The following ZNG1A variants were observed in gnomAD, a reference collection of about 807,000 sequenced individuals.
ZNG1A encodes zinc-regulated GTPase metalloprotein activator 1A.
At chr9:160,176 T>C in the ZNG1A span, 1 of 454,462 alleles carries the variant, frequency 2.2e-6, no homozygotes, top group African/African-American at 2.0e-5. Context: ...CATCAATGGG[T>C]GACAATCCCA....
the ZNG1A span, among the ~76,000 whole-genome samples, chr9:126,651 C>T: frequency 4.6e-5 from 7 of 151,974 alleles, no homozygotes; most frequent in African/African-American, 9.7e-5. Flanking sequence ...TTTCAAAGAA[C>T]CAGCTTTTTG....
chr9:127,234 T>C, the ZNG1A span, among the ~76,000 whole-genome samples: 33 of 152,248 alleles, frequency 2.2e-4, no homozygotes, highest in African/African-American at 7.5e-4. Context: ...TGTTTCTTTG[T>C]TGACTTTCTG....
chr9:147,104 G>T, the ZNG1A span: 2 of 150,144 alleles, frequency 1.3e-5, no homozygotes, highest in South Asian at 2.1e-4. Context: ...TTTGAACCCA[G>T]GAAGTGGAGG....
the ZNG1A span, chr9:122,286 T>C: frequency 7.0e-7 from 1 of 1,431,230 alleles, no homozygotes; most frequent in South Asian, 1.5e-5. Context: ...TCAAAAAAGG[T>C]TTCTGTGTAT....
chr9:145,296 C>G, the ZNG1A span, among the ~76,000 whole-genome samples: 3 of 150,576 alleles, frequency 2.0e-5, no homozygotes, highest in East Asian at 5.9e-4. Context: ...TTGGAACCAA[C>G]CCAAATGTCC....
At chr9:121,488 T>C in the ZNG1A span, 5 of 1,611,544 alleles carry the variant, frequency 3.1e-6, no homozygotes, top group South Asian at 2.2e-5. Flanking sequence ...CTTGATCTTC[T>C]TGGAAACGTG....
chr9:129,823 T>A, the ZNG1A span, among the ~76,000 whole-genome samples: 1 of 118,474 alleles, frequency 8.4e-6, no homozygotes, highest in African/African-American at 2.7e-5. Context: ...TTAAGTGTTT[T>A]TTACCACAAT....
chr9:133,450 A>T, the ZNG1A span, among the ~76,000 whole-genome samples: 1 of 149,708 alleles, frequency 6.7e-6, no homozygotes, highest in Non-Finnish European at 1.5e-5. Context: ...GAAATTTCCT[A>T]TTAAAATACA....
At chr9:121,864 G>C in the ZNG1A span, 2 of 1,535,840 alleles carry the variant, frequency 1.3e-6, no homozygotes, top group African/African-American at 2.8e-5. Flanking sequence ...AGTTTTAAAA[G>C]AGGACCTGAA....
At chr9:176,807 G>C in the ZNG1A span, among the ~76,000 whole-genome samples, 3 of 150,964 alleles carry the variant, frequency 2.0e-5, no homozygotes, top group East Asian at 1.9e-4. Context: ...AATCTTCTAA[G>C]AGAAGATTTA....
chr9:145,554 G>T, the ZNG1A span, among the ~76,000 whole-genome samples: 12 of 99,130 alleles, frequency 1.2e-4, 1 homozygote, highest in African/African-American at 3.8e-4. Flanking sequence ...GTTGTGGGGT[G>T]GGGGGAGGGG....
At chr9:157,437 T>C in the ZNG1A span, among the ~76,000 whole-genome samples, 1 of 129,660 alleles carries the variant, frequency 7.7e-6, no homozygotes, top group Non-Finnish European at 1.6e-5. Context: ...TACTGAGGTT[T>C]AGAGGCAACT....
At chr9:176,889 A>G in the ZNG1A span, among the ~76,000 whole-genome samples, 1 of 152,116 alleles carries the variant, frequency 6.6e-6, no homozygotes, top group African/African-American at 2.4e-5. Context: ...GAAGGTTTCT[A>G]ATACGTTACA....
At chr9:129,614 T>C in the ZNG1A span, among the ~76,000 whole-genome samples, 1 of 147,704 alleles carries the variant, frequency 6.8e-6, no homozygotes, top group Non-Finnish European at 1.5e-5. Flanking sequence ...TCTAAAACAG[T>C]GAAACTCATC....
At chr9:162,950 C>G in the ZNG1A span, among the ~76,000 whole-genome samples, 1 of 152,076 alleles carries the variant, frequency 6.6e-6, no homozygotes, top group African/African-American at 2.4e-5. Context: ...AATCCAAATC[C>G]AACTCATAAA....
the ZNG1A span, among the ~76,000 whole-genome samples, chr9:170,501 C>G: frequency 6.6e-6 from 1 of 150,918 alleles, no homozygotes; most frequent in Non-Finnish European, 1.5e-5. Flanking sequence ...ATTCTCCTGC[C>G]TTAGCCTCCT....
At chr9:124,917 T>G in the ZNG1A span, among the ~76,000 whole-genome samples, 1 of 151,558 alleles carries the variant, frequency 6.6e-6, no homozygotes, top group Non-Finnish European at 1.5e-5. Context: ...AGTATTCCAT[T>G]GTATGCATAT....
the ZNG1A span, among the ~76,000 whole-genome samples, chr9:139,933 C>A: frequency 6.6e-6 from 1 of 150,602 alleles, no homozygotes; most frequent in Non-Finnish European, 1.5e-5. Flanking sequence ...TCACTCCCAC[C>A]CCAATACTGC....
At chr9:143,123 G>A in the ZNG1A span, among the ~76,000 whole-genome samples, 17 of 145,570 alleles carry the variant, frequency 1.2e-4, no homozygotes, top group Admixed American at 1.1e-3. Flanking sequence ...GTACAAGGAG[G>A]AACTGGTACC....
Sources: allele counts gnomAD v4.1 joint callset (sites outside exome capture counted in the v4.1 genomes callset), GRCh38; gene constraint gnomAD v4.1.1; transcripts MANE v1.5; gene names NCBI Gene and HGNC (gene_info 2026-07-23, HGNC 2026-07-21).